PMEPA1: variants seen among roughly 807,000 people sequenced by gnomAD.
The protein encoded by PMEPA1 is prostate transmembrane protein, androgen induced 1.
A neutral mutation model predicts 23.0 loss-of-function variants in PMEPA1; 11 were observed. The observed-to-expected ratio is 0.48, with a 90% confidence interval of 0.30 to 0.79. The LOEUF (loss-of-function observed/expected upper bound fraction) is 0.79, where lower values mean the gene tolerates loss of function less well. Ranked by LOEUF, PMEPA1 falls within the 30% of genes least tolerant of loss-of-function variation. PMEPA1 has a pLI of 0.06. For synonymous variants in PMEPA1, 204 were observed against 166.4 expected, an observed-to-expected ratio of 1.23 and a Z score of -1.74; for missense variants, 377 against 390.9, an observed-to-expected ratio of 0.96 and a Z score of 0.30.
intron 1 of PMEPA1, among the ~76,000 whole-genome samples, chr20:57,708,332 G>A (rs1222601430): frequency 6.6e-6 from 1 of 152,206 alleles, no homozygotes; most frequent in Non-Finnish European, 1.5e-5. Flanking sequence ...GGAAGCAAAA[G>A]GTCCCCGAAA....
In PMEPA1 at chr20:57,681,047, T is replaced by C. The variant is rs528953052; in HGVS notation, c.110-21350A>G. ...TGTCAATCTGCAGGACAACTTCTAG[T>C]TTCCACCTTTTGCATGAGGGATTTC... On this transcript the variant is annotated intron_variant, in intron 1 of 3. Transcript: ENST00000341744. Among the ~76,000 whole-genome samples, 46 of 152,316 alleles carry C rather than the reference T, an allele frequency of 3.0e-4. 1 individual carries two copies. Among genetic ancestry groups the C allele is most frequent in the African/African-American group, 1.0e-3 (43 of 41,554 alleles).
At chr20:57,669,978 G>C (rs1460088083) in intron 1 of PMEPA1, among the ~76,000 whole-genome samples, 1 of 152,194 alleles carries the variant, frequency 6.6e-6, no homozygotes, top group Non-Finnish European at 1.5e-5. Flanking sequence ...CTGTCACCCT[G>C]GGCTGACAAG....
At chr20:57,699,508 C>T (rs1489733747) in intron 1 of PMEPA1, among the ~76,000 whole-genome samples, 11 of 152,194 alleles carry the variant, frequency 7.2e-5, no homozygotes, top group Non-Finnish European at 5.9e-5. Flanking sequence ...TAAAGAGCCC[C>T]AGGACCCCGC....
chr20:57,709,505 G>T lies in PMEPA1; in HGVS notation c.78C>A (p.Cys26Ter). ...GQPNVSCTCN[C>*]KRSLFQSMEI... is the part of the protein sequence containing the mutation. ...CCATGCTCTGGAACAAAGAGCGTTTGCAGTTGCACGTGCAGGAGACATTGG... is the reference window on the plus strand; with the variant it reads ...CCATGCTCTGGAACAAAGAGCGTTTTCAGTTGCACGTGCAGGAGACATTGG... Residue 26 changes from cysteine (C) to a stop codon, truncating the protein, a stop_gained, in exon 1 of 4, where the codon TGC becomes TGA. Transcript: ENST00000341744. LOFTEE classifies it high-confidence loss of function. 8.8e-7 allele frequency: 1 copy of T among 1,139,944 alleles called. No individual in the cohort carries two copies. The allele number at this position is 1,139,944 out of a possible 1,614,324, so 70.6% of individuals were successfully genotyped here. A position where few individuals can be genotyped will look rare whatever the true frequency, so the allele number is the denominator to read the frequency against.
intron 1 of PMEPA1, among the ~76,000 whole-genome samples, chr20:57,666,991 G>C (rs1009240715): frequency 6.6e-6 from 1 of 152,220 alleles, no homozygotes; most frequent in African/African-American, 2.4e-5. Flanking sequence ...GCACGTGTGC[G>C]ATACAGAAAT....
intron 1 of PMEPA1, among the ~76,000 whole-genome samples, chr20:57,667,064 G>A (rs1267769955): frequency 6.6e-6 from 1 of 152,220 alleles, no homozygotes; most frequent in Non-Finnish European, 1.5e-5. Context: ...AGGCCTGTAC[G>A]GGACATGGGC....
At chr20:57,671,280 C>A (rs528313491) in intron 1 of PMEPA1, among the ~76,000 whole-genome samples, 7 of 152,256 alleles carry the variant, frequency 4.6e-5, no homozygotes, top group South Asian at 2.1e-4. Context: ...GTCGGAGGTG[C>A]ATAACATCCG....
chr20:57,659,763 CCCTTTT>C, intron 1 of PMEPA1, 66 bp from the exon 2 acceptor site: 1 of 1,474,602 alleles, frequency 6.8e-7, no homozygotes, highest in Non-Finnish European at 9.2e-7. Context: ...CAGGGCTCAG[CCCTTTT>C]GAGCTTTTTC....
intron 1 of PMEPA1, among the ~76,000 whole-genome samples, chr20:57,687,515 C>G (rs926497183): frequency 1.3e-5 from 2 of 152,218 alleles, no homozygotes; most frequent in Non-Finnish European, 2.9e-5. Context: ...TCAATTGCCA[C>G]ACTCCTTCTC....
At chr20:57,672,405 C>G (rs1434495812) in intron 1 of PMEPA1, among the ~76,000 whole-genome samples, 1 of 152,260 alleles carries the variant, frequency 6.6e-6, no homozygotes, top group Non-Finnish European at 1.5e-5. Context: ...TGAACCGGGG[C>G]TCCGTTTCCA....
rs1374763922 is a variant in PMEPA1, at chr20:57,683,914, C to G, written c.110-24217G>C. Among the ~76,000 whole-genome samples, 6 of 152,168 alleles carry G rather than the reference C, an allele frequency of 3.9e-5. No homozygotes were observed. Among genetic ancestry groups the G allele is most frequent in the Non-Finnish European group, 5.9e-5 (4 of 68,038 alleles). ...TCAACAGACCACTCCTGCCTGTGGG[C>G]TGTCTGTTTTGGGGGTAGAAATAAA... On this transcript the variant is annotated intron_variant, in intron 1 of 3. Coordinates refer to ENST00000341744, the MANE Select transcript of PMEPA1 (RefSeq NM_020182.5). This position sits in a 1 kb window ranked among gnomAD's most constrained non-coding sequence, Gnocchi z 4.3.
rs754735756 is a variant in PMEPA1 at position 57,653,093 on chromosome 20, AG to A, written c.265-8del. 1.2e-5 allele frequency: 19 copies of A among 1,579,840 alleles called. No homozygotes were observed. The highest frequency in any genetic ancestry group is 1.5e-5 in the Non-Finnish European group (18 of 1,162,274). On this transcript the variant is annotated splice_region_variant and splice_polypyrimidine_tract_variant and intron_variant, in intron 2 of 3. Coordinates refer to ENST00000341744, the MANE Select transcript of PMEPA1 (RefSeq NM_020182.5). ...AGGGCCACAGGCATCCTTCCTGCAC[AG>A]GAAGAAACGTACAAGCAGGGTCAGT... is the stretch of plus-strand genomic sequence containing the variant.
intron 1 of PMEPA1, among the ~76,000 whole-genome samples, chr20:57,667,527 A>G (rs2146659939): frequency 6.6e-6 from 1 of 152,084 alleles, no homozygotes; most frequent in Non-Finnish European, 1.5e-5. Context: ...GGCCCCATGG[A>G]GGTTTCCAGA....
intron 1 of PMEPA1, among the ~76,000 whole-genome samples, chr20:57,664,513 A>G (rs893137786): frequency 2.0e-5 from 3 of 152,204 alleles, no homozygotes; most frequent in African/African-American, 7.2e-5. Flanking sequence ...AGCGGCACCA[A>G]TATAAACACG....
rs1360258678 is a variant in PMEPA1, at chr20:57,652,825, C to T, written c.318+208G>A. On this transcript the variant is annotated intron_variant, in intron 3 of 3. Coordinates refer to ENST00000341744, the MANE Select transcript of PMEPA1 (RefSeq NM_020182.5). The surrounding 1 kb of genome is among the most constrained non-coding windows in gnomAD (Gnocchi z 6.1). ...CCCTCCTCCAAACAGTGGCAGCGTC[C>T]GTGCTCCCGTGTGCAGAGAGCAGAG... Among the ~76,000 whole-genome samples, 2 of 152,284 alleles carry T rather than the reference C, an allele frequency of 1.3e-5. No individual in the cohort carries two copies. Among genetic ancestry groups the T allele is most frequent in the East Asian group, 1.9e-4 (1 of 5,164 alleles).
chr20:57,672,160 T>C (rs939419001), intron 1 of PMEPA1, among the ~76,000 whole-genome samples: 1 of 152,268 alleles, frequency 6.6e-6, no homozygotes, highest in Non-Finnish European at 1.5e-5. Flanking sequence ...CACTTCTAAT[T>C]TTTTAAATCT....
At chr20:57,708,206 C>A (rs950043025) in intron 1 of PMEPA1, among the ~76,000 whole-genome samples, 11 of 152,232 alleles carry the variant, frequency 7.2e-5, no homozygotes, top group Non-Finnish European at 8.8e-5. Flanking sequence ...TCCACAGCGG[C>A]TGCTTCTCAG....
Position 57,677,997 on chromosome 20 carries a change from C to A in PMEPA1, c.110-18300G>T, listed in dbSNP as rs186844340. ...CATTTCTATAACATGCTTAAAATAACAATATTATAGAAATGGAGAAGAGAT... is the reference window on the plus strand; with the variant it reads ...CATTTCTATAACATGCTTAAAATAAAAATATTATAGAAATGGAGAAGAGAT... On this transcript the variant is annotated intron_variant, in intron 1 of 3. Transcript: ENST00000341744. Among the ~76,000 whole-genome samples, 20 of 152,246 alleles carry A rather than the reference C, an allele frequency of 1.3e-4. No homozygotes were observed. The East Asian group carries it at 3.9e-3, about 29-fold the overall frequency.
At chr20:57,670,046 C>A (rs1568970637) in intron 1 of PMEPA1, among the ~76,000 whole-genome samples, 1 of 152,116 alleles carries the variant, frequency 6.6e-6, no homozygotes, top group East Asian at 1.9e-4. Context: ...CTCTGCCTGA[C>A]CCTAGGAGCA....
Sources: allele counts gnomAD v4.1 joint callset (sites outside exome capture counted in the v4.1 genomes callset), GRCh38; gene constraint gnomAD v4.1.1; non-coding constraint Gnocchi (gnomAD v3.1); transcripts MANE v1.5; gene names NCBI Gene and HGNC (gene_info 2026-07-23, HGNC 2026-07-21).